The following KIF1B variants were observed in gnomAD, a reference collection of about 807,000 sequenced individuals.
The protein encoded by KIF1B is kinesin family member 1B.
KIF1B carries 76 observed loss-of-function variants against 241.9 expected under a neutral mutation model. That is an observed-to-expected ratio of 0.31 (90% CI 0.26 to 0.38). The LOEUF is 0.38. Among genes scored for constraint, KIF1B ranks in the 10% least tolerant of loss-of-function variants. The pLI, the probability that KIF1B is intolerant of heterozygous loss-of-function variation, is 1.00. For synonymous variants in KIF1B, 750 were observed against 796.7 expected (o/e 0.94, Z 0.99); for missense variants, 1,622 against 2,271.4 (o/e 0.71, Z 5.81).
At chr1:10,364,149 G>A (rs1176724113) in intron 41 of KIF1B, among the ~76,000 whole-genome samples, 3 of 151,208 alleles carry the variant, frequency 2.0e-5, no homozygotes, top group African/African-American at 4.9e-5. Context: ...GTGTATGTGT[G>A]TGTGTATTCC....
intron 32 of KIF1B, among the ~76,000 whole-genome samples, chr1:10,340,176 G>A (rs1204631551): frequency 6.6e-6 from 1 of 152,190 alleles, no homozygotes; most frequent in Non-Finnish European, 1.5e-5. Flanking sequence ...TAAAGTGAAT[G>A]CATTGTCCTT....
At chr1:10,340,683 C>G (rs146353066) in intron 32 of KIF1B, among the ~76,000 whole-genome samples, 1 of 151,974 alleles carries the variant, frequency 6.6e-6, no homozygotes, top group Admixed American at 6.6e-5. Context: ...ATCTGAGACA[C>G]GAGAATTGCT....
At chr1:10,323,514 C>CA (rs1331481140) in intron 24 of KIF1B, among the ~76,000 whole-genome samples, 1 of 152,032 alleles carries the variant, frequency 6.6e-6, no homozygotes, top group East Asian at 1.9e-4. Context: ...CCCAGGTACT[C>CA]AGGAGGCTGA....
At chr1:10,302,205 T>C (rs1334712388) in intron 22 of KIF1B, among the ~76,000 whole-genome samples, 1 of 152,242 alleles carries the variant, frequency 6.6e-6, no homozygotes, top group Non-Finnish European at 1.5e-5. Flanking sequence ...TGCCCAGCTT[T>C]ATTTTTGTTC....
At chr1:10,271,731 G>A (rs1648811022) in intron 8 of KIF1B, 152 bp downstream of exon 8, 19 of 693,598 alleles carry the variant, frequency 2.7e-5, no homozygotes, top group South Asian at 2.2e-4. Flanking sequence ...GACAGAGACC[G>A]TATGGCCCAG....
intron 31 of KIF1B, among the ~76,000 whole-genome samples, chr1:10,338,151 T>C (rs1432406063): frequency 6.6e-6 from 1 of 152,100 alleles, no homozygotes; most frequent in Non-Finnish European, 1.5e-5. Flanking sequence ...AATTTGTCTT[T>C]TCAGTACTTG....
chr1:10,265,691 T>A (rs552709207), intron 5 of KIF1B, among the ~76,000 whole-genome samples: 80 of 151,468 alleles, frequency 5.3e-4, no homozygotes, highest in Middle Eastern at 3.4e-3. Flanking sequence ...CAAAAAAAAA[T>A]TTTTTTTAAT....
chr1:10,235,583 A>G (rs914965462), intron 2 of KIF1B, among the ~76,000 whole-genome samples: 8 of 151,980 alleles, frequency 5.3e-5, no homozygotes, highest in Non-Finnish European at 8.8e-5. Flanking sequence ...AGTATAGGCC[A>G]GGTGCAGTGG....
At chr1:10,269,791 C>T (rs1361143000) in intron 7 of KIF1B, among the ~76,000 whole-genome samples, 10 of 152,130 alleles carry the variant, frequency 6.6e-5, no homozygotes, top group Non-Finnish European at 1.5e-4. Context: ...GCACTTCAGC[C>T]TGGGTAACAA....
intron 15 of KIF1B, among the ~76,000 whole-genome samples, chr1:10,283,276 T>C (rs1343918233): frequency 6.7e-6 from 1 of 149,134 alleles, no homozygotes; most frequent in Non-Finnish European, 1.5e-5. Flanking sequence ...TTTATTCAGA[T>C]AGTTATTAAA....
chr1:10,326,392 G>C lies in KIF1B; in HGVS notation c.2924+33G>C. The C allele has an allele frequency of 6.2e-7, 1 of 1,613,542 alleles. No individual in the cohort carries two copies. Among genetic ancestry groups the C allele is most frequent in the South Asian group, 1.1e-5 (1 of 90,988 alleles). ...AGGTTATTGTGAGAAAGGCGAAAAGGGACCAGCTCTTGCTCTGAAGGCCTC... is the reference window on the plus strand; with the variant it reads ...AGGTTATTGTGAGAAAGGCGAAAAGCGACCAGCTCTTGCTCTGAAGGCCTC... On this transcript the variant is annotated intron_variant, in intron 27 of 48. Coordinates refer to ENST00000676179, the MANE Select transcript of KIF1B (RefSeq NM_001365951.3). This position sits in a 1 kb window ranked among gnomAD's most constrained non-coding sequence, Gnocchi z 5.2.
Position 10,261,942 on chromosome 1 carries a change from G to A in KIF1B, c.401G>A (p.Cys134Tyr). Residue 134 changes from cysteine (C) to tyrosine (Y), a missense_variant, in exon 5 of 49, where the codon TGT (cysteine) becomes TAT (tyrosine). Transcript: ENST00000676179. ...EELFEKINDNCNEEMSYSVEV... is the reference protein window; with the variant it reads ...EELFEKINDNYNEEMSYSVEV... ...CTTTTTGAGAAAATCAATGACAACT[G>A]TAATGAAGAAATGTCTTACTCTGTA... 1 of 1,611,980 alleles carries A rather than the reference G, an allele frequency of 6.2e-7. No homozygotes were observed.
At chr1:10,332,345 C>T (rs898720333) in intron 27 of KIF1B, among the ~76,000 whole-genome samples, 35 of 151,946 alleles carry the variant, frequency 2.3e-4, no homozygotes, top group South Asian at 1.0e-3. Flanking sequence ...GGATTACAGA[C>T]GTGAGCCACC....
intron 16 of KIF1B, among the ~76,000 whole-genome samples, chr1:10,291,709 CAAA>C (rs34360352): frequency 4.2e-5 from 5 of 120,200 alleles, no homozygotes; most frequent in Non-Finnish European, 7.0e-5. Context: ...GACTCTGTCT[CAAA>C]AAAAAAAAAA....
intron 2 of KIF1B, among the ~76,000 whole-genome samples, chr1:10,232,698 T>G (rs772337040): frequency 3.9e-5 from 6 of 152,210 alleles, no homozygotes; most frequent in Non-Finnish European, 8.8e-5. Flanking sequence ...AAGTTGAAAT[T>G]TTAATGATAA....
chr1:10,263,696 A>G (rs1171191626), intron 5 of KIF1B, among the ~76,000 whole-genome samples: 5 of 152,166 alleles, frequency 3.3e-5, no homozygotes, highest in Admixed American at 2.6e-4. Flanking sequence ...AGCTTGTCCC[A>G]TAGTTATTCT....
chr1:10,311,769 G>A (rs1047592341), intron 22 of KIF1B, among the ~76,000 whole-genome samples: 13 of 151,318 alleles, frequency 8.6e-5, no homozygotes, highest in African/African-American at 3.2e-4. Flanking sequence ...ATCATGGTCT[G>A]TGGACACAGA....
intron 1 of KIF1B, among the ~76,000 whole-genome samples, chr1:10,226,426 A>G (rs796843695): frequency 6.6e-6 from 1 of 152,232 alleles, no homozygotes; most frequent in South Asian, 2.1e-4. Context: ...TTACAAATAC[A>G]TAGTACTTTA....
Position 10,374,518 on chromosome 1 carries a change from A to G in KIF1B, c.5096+53A>G. On this transcript the variant is annotated intron_variant, in intron 46 of 48. Coordinates refer to ENST00000676179, the MANE Select transcript of KIF1B (RefSeq NM_001365951.3). This position sits in a 1 kb window ranked among gnomAD's most constrained non-coding sequence, Gnocchi z 4.3. ...AGCTATAAAAAACAAATCCACAGGA[A>G]GAAGTGACTGGCCAGCTCTTCCCTG... 5.1e-6 allele frequency: 8 copies of G among 1,583,876 alleles called. No homozygotes were observed. The South Asian group carries it at 7.8e-5, about 15-fold the overall frequency.
Sources: gnomAD v4.1 joint callset for allele counts (sites outside exome capture counted in the v4.1 genomes callset) on GRCh38, gnomAD v4.1.1 for gene constraint, Gnocchi (gnomAD v3.1) non-coding constraint, MANE v1.5 for transcripts, NCBI Gene and HGNC (gene_info 2026-07-23, HGNC 2026-07-21) for gene names.